The following LANCL2 variants were observed in gnomAD, a reference collection of about 807,000 sequenced individuals.
LANCL2 encodes the protein LanC like glutathione S-transferase 2, also known as lanC-like protein 2.
Under a neutral mutation model 56.9 loss-of-function variants are expected in LANCL2, and 33 were observed. The observed-to-expected ratio is 0.58, with a 90% CI of 0.44 to 0.78. The LOEUF (loss-of-function observed/expected upper bound fraction) is 0.78. Ranked by LOEUF, LANCL2 falls within the 30% of genes least tolerant of loss-of-function variation. The pLI, the probability that LANCL2 is intolerant of heterozygous loss-of-function variation, is 0.00. For synonymous variants in LANCL2, 233 were observed against 228.2 expected (o/e 1.02, Z -0.19); for missense variants, 562 against 580.2 (o/e 0.97, Z 0.32).
chr7:55,399,413 A>AG (rs1176511457), intron 3 of LANCL2, among the ~76,000 whole-genome samples: 2 of 147,032 alleles, frequency 1.4e-5, no homozygotes, highest in Admixed American at 1.4e-4. Flanking sequence ...GCGCGATCTC[A>AG]GCTCACTGCA....
intron 1 of LANCL2, among the ~76,000 whole-genome samples, chr7:55,381,880 A>G (rs957842118): frequency 1.3e-5 from 2 of 152,216 alleles, no homozygotes; most frequent in African/African-American, 4.8e-5. Flanking sequence ...CTGGGATGCA[A>G]ATCATAGAAT....
In LANCL2 at chr7:55,427,483, A is replaced by G. The variant is rs535948783; in HGVS notation, c.1186-892A>G. Among the ~76,000 whole-genome samples the G allele has an allele frequency of 1.5e-4, 23 of 152,370 alleles. No homozygotes were observed. In the South Asian group the frequency reaches 4.3e-3, roughly 29 times the overall value. On this transcript the variant is annotated intron_variant, in intron 7 of 8. Coordinates refer to ENST00000254770, the MANE Select transcript of LANCL2 (RefSeq NM_018697.4). The stretch of plus-strand genomic sequence containing the variant: ...GAAATGTTGAGTCATAAACCAAAGC[A>G]TAGGTTGGGATAAAAAATGAGACAT...
intron 8 of LANCL2, 114 bp downstream of exon 8, chr7:55,428,561 A>G: frequency 1.3e-6 from 1 of 792,110 alleles, no homozygotes; most frequent in South Asian, 1.5e-5. Flanking sequence ...TCCAAACTGT[A>G]AAATAATCAG....
intron 1 of LANCL2, among the ~76,000 whole-genome samples, chr7:55,375,409 A>G (rs983158190): frequency 1.2e-4 from 19 of 152,208 alleles, no homozygotes; most frequent in African/African-American, 4.6e-4. Flanking sequence ...TTTAAATACC[A>G]TCTCTGTCCT....
chr7:55,416,359 C>G lies in LANCL2; in HGVS notation c.1008+4270C>G, dbSNP rs558502657. 2.0e-5 allele frequency among the ~76,000 whole-genome samples: 3 copies of G among 152,144 alleles called. No individual in the cohort carries two copies. In the South Asian group the frequency reaches 6.3e-4, roughly 32 times the overall value. On this transcript the variant is annotated intron_variant, in intron 6 of 8. Coordinates refer to ENST00000254770, the MANE Select transcript of LANCL2 (RefSeq NM_018697.4). ...TGGAGTGCAGTGGTGGATCTTGGCT[C>G]ACTGTAGCCTCGACCTTCAGGGCTC...
At chr7:55,386,961 G>A (rs1235315992) in intron 1 of LANCL2, among the ~76,000 whole-genome samples, 1 of 152,176 alleles carries the variant, frequency 6.6e-6, no homozygotes, top group Non-Finnish European at 1.5e-5. Context: ...AAGGTAGCAG[G>A]CATTACTGGG....
In LANCL2 at chr7:55,396,138, G is replaced by A. The variant is rs141780240; in HGVS notation, c.323-2285G>A. On this transcript the variant is annotated intron_variant, in intron 2 of 8. Coordinates refer to ENST00000254770, the MANE Select transcript of LANCL2 (RefSeq NM_018697.4). ...TGTTGTTGACCTAAACTTTAAATAT[G>A]AATTGTGGGGGCTCAGTGTGGGCAA... Among the ~76,000 whole-genome samples, 124 of 152,308 alleles carry A rather than the reference G, an allele frequency of 8.1e-4. No homozygotes were observed. In the East Asian group the frequency reaches 0.022, roughly 27 times the overall value.
chr7:55,425,105 G>T lies in LANCL2; in HGVS notation c.1009-149G>T, dbSNP rs899067804. The T allele has an allele frequency of 1.1e-4, 76 of 715,732 alleles. 1 individual carries two copies. The highest frequency in any genetic ancestry group is 8.4e-4 in the South Asian group (44 of 52,424). The allele number at this position is 715,732 out of a possible 1,614,324, so 44.3% of individuals were successfully genotyped here. The stretch of plus-strand genomic sequence containing the variant: ...AGATTCTATGTACTGTGTTGCTGGT[G>T]TTTTTTTGTTTGTTTGTCTGTTTTT... On this transcript the variant is annotated intron_variant, in intron 6 of 8. Transcript: ENST00000254770.
intron 2 of LANCL2, chr7:55,394,049 A>G (rs1259422728): frequency 6.6e-6 from 1 of 152,162 alleles, no homozygotes; most frequent in Non-Finnish European, 1.5e-5. Context: ...TTACCAAGAG[A>G]GCTTTGTAAG....
intron 2 of LANCL2, among the ~76,000 whole-genome samples, chr7:55,397,974 AG>A (rs1488721742): frequency 1.3e-5 from 2 of 152,234 alleles, no homozygotes; most frequent in African/African-American, 4.8e-5. Flanking sequence ...AAAAATAGGA[AG>A]AAGGGAGTAT....
At position 55,377,864 on chromosome 7, in the gene LANCL2, A is replaced by C. The variant is rs1790020713; in HGVS notation, c.204+11635A>C. ...TGTTTCTGGGCTATGTGGCAGGTACATATTTCTATTCATATGGTATGACTG... is the reference window on the plus strand; with the variant it reads ...TGTTTCTGGGCTATGTGGCAGGTACCTATTTCTATTCATATGGTATGACTG... On this transcript the variant is annotated intron_variant, in intron 1 of 8. Transcript: ENST00000254770. Among the ~76,000 whole-genome samples the C allele has an allele frequency of 2.0e-5, 3 of 152,230 alleles. No individual in the cohort carries two copies. In the East Asian group the frequency reaches 5.8e-4, roughly 29 times the overall value.
chr7:55,376,111 C>T (rs1789997283), intron 1 of LANCL2, among the ~76,000 whole-genome samples: 1 of 152,136 alleles, frequency 6.6e-6, no homozygotes, highest in Non-Finnish European at 1.5e-5. Context: ...TCTTTGGGGG[C>T]CATTCTGCCT....
chr7:55,400,284 C>CT (rs1790306274), intron 4 of LANCL2, among the ~76,000 whole-genome samples, 180 bp downstream of exon 4: 1 of 152,206 alleles, frequency 6.6e-6, no homozygotes, highest in Non-Finnish European at 1.5e-5. Context: ...AATCTGTACT[C>CT]TCTTTCATCT....
intron 6 of LANCL2, among the ~76,000 whole-genome samples, chr7:55,423,452 T>C (rs1583766382): frequency 6.6e-6 from 1 of 152,230 alleles, no homozygotes; most frequent in Admixed American, 6.5e-5. Context: ...ACACAGCCTC[T>C]CAAACAATAT....
At chr7:55,385,131 G>A (rs563899840) in intron 1 of LANCL2, among the ~76,000 whole-genome samples, 3 of 152,262 alleles carry the variant, frequency 2.0e-5, no homozygotes, top group African/African-American at 7.2e-5. Flanking sequence ...ACGTTGCAGT[G>A]AGCCAAGATC....
intron 6 of LANCL2, among the ~76,000 whole-genome samples, chr7:55,417,124 C>T (rs1181437423): frequency 3.3e-5 from 5 of 151,748 alleles, no homozygotes; most frequent in Non-Finnish European, 5.9e-5. Flanking sequence ...GGACTACAGG[C>T]GCCCGTCACC....
In LANCL2 at chr7:55,416,696, C is replaced by T. The variant is rs934270172; in HGVS notation, c.1008+4607C>T. Among the ~76,000 whole-genome samples, 12 of 152,036 alleles carry T rather than the reference C, an allele frequency of 7.9e-5. No homozygotes were observed. The South Asian group carries it at 1.9e-3, about 24-fold the overall frequency. On this transcript the variant is annotated intron_variant, in intron 6 of 8. Transcript: ENST00000254770. The stretch of plus-strand genomic sequence containing the variant: ...TAAAGTCCCTCTGTCAGATATATAT[C>T]GTACAAATAATTTCTCCCTGTCTGT...
In LANCL2 at chr7:55,366,157, C is replaced by T. The variant is rs758292025; in HGVS notation, c.132C>T (p.Ala44=). Residue 44 remains alanine (A), a synonymous_variant, in exon 1 of 9, where the codon GCC becomes GCT. Coordinates refer to ENST00000254770, the MANE Select transcript of LANCL2 (RefSeq NM_018697.4). ...AAGALLASGA[A]EETGCVRPPA... ...GGGCGCTGCTCGCCTCCGGAGCGGC[C>T]GAAGAGACAGGCTGTGTTCGTCCCC... The T allele has an allele frequency of 1.9e-6, 3 of 1,555,378 alleles. No homozygotes were observed. Among genetic ancestry groups the T allele is most frequent in the Non-Finnish European group, 2.6e-6 (3 of 1,148,894 alleles).
At chr7:55,424,751 G>A (rs1790643924) in intron 6 of LANCL2, among the ~76,000 whole-genome samples, 1 of 152,208 alleles carries the variant, frequency 6.6e-6, no homozygotes, top group Non-Finnish European at 1.5e-5. Flanking sequence ...ACAGCAGGAG[G>A]TGAGCAGCAG....
Sources: allele counts gnomAD v4.1 joint callset (sites outside exome capture counted in the v4.1 genomes callset), GRCh38; gene constraint gnomAD v4.1.1; transcripts MANE v1.5; gene names NCBI Gene and HGNC (gene_info 2026-07-23, HGNC 2026-07-21).